The following MMP7 variants were observed in gnomAD, a reference collection of about 807,000 sequenced individuals.
The protein encoded by MMP7 is matrilysin.
A neutral mutation model predicts 31.5 loss-of-function variants in MMP7; 26 were observed. The observed-to-expected ratio is 0.83, with a 90% CI of 0.61 to 1.15. The LOEUF is 1.15. MMP7 is among the 50% of genes most tolerant of loss of function. The probability of loss-of-function intolerance (pLI) is 0.00; values close to 1 mark genes in which losing one functional copy is unlikely to be tolerated. For missense variants in MMP7, 367 were observed against 326.5 expected, an observed-to-expected ratio of 1.12 and a Z score of -0.96; for synonymous variants, 142 against 124.2, an observed-to-expected ratio of 1.14 and a Z score of -0.95.
intron 5 of MMP7, among the ~76,000 whole-genome samples, chr11:102,522,789 C>T (rs927986124): frequency 4.6e-5 from 7 of 152,104 alleles, no homozygotes; most frequent in African/African-American, 7.2e-5. Context: ...AGTTTCTGTC[C>T]GTGGTTAACC....
At chr11:102,521,371 T>A (rs1858611352) in intron 5 of MMP7, among the ~76,000 whole-genome samples, 1 of 152,164 alleles carries the variant, frequency 6.6e-6, no homozygotes, top group South Asian at 2.1e-4. Context: ...CTAATTTTTG[T>A]ATTTTTAGTA....
intron 1 of MMP7, among the ~76,000 whole-genome samples, chr11:102,529,040 C>T (rs1858703735): frequency 6.6e-6 from 1 of 152,164 alleles, no homozygotes; most frequent in Non-Finnish European, 1.5e-5. Flanking sequence ...AGTGTTCTGA[C>T]TTCTATACAT....
In MMP7 at chr11:102,524,098, T is replaced by G. The variant is rs1858642916; in HGVS notation, c.614-697A>C. On this transcript the variant is annotated intron_variant, in intron 4 of 5. Coordinates refer to ENST00000260227, the MANE Select transcript of MMP7 (RefSeq NM_002423.5). ...GTTTGAGGAGTGGCCTGAGCTCTGG[T>G]GGCGTTGCATTGAATTGAAGGAAGC... Among the ~76,000 whole-genome samples the G allele has an allele frequency of 2.0e-5, 3 of 152,302 alleles. No homozygotes were observed. In the South Asian group the frequency reaches 6.2e-4, roughly 32 times the overall value.
chr11:102,524,252 G>T (rs559389519), intron 4 of MMP7: 2 of 152,156 alleles, frequency 1.3e-5, no homozygotes, highest in Admixed American at 6.5e-5. Flanking sequence ...AATTCCTTTT[G>T]CCAAACACAA....
At chr11:102,523,920 C>T (rs1442099787) in intron 4 of MMP7, among the ~76,000 whole-genome samples, 1 of 152,168 alleles carries the variant, frequency 6.6e-6, no homozygotes, top group Non-Finnish European at 1.5e-5. Context: ...AGAATGGTGG[C>T]TTTGAGAAAG....
intron 3 of MMP7, among the ~76,000 whole-genome samples, chr11:102,525,875 A>G (rs1167955036): frequency 1.3e-5 from 2 of 151,514 alleles, no homozygotes; most frequent in Non-Finnish European, 2.9e-5. Flanking sequence ...TAGTCCTTTA[A>G]TGTGTGATGC....
rs534129650 is a variant in MMP7, at chr11:102,522,446, G to A, written c.775+794C>T. On this transcript the variant is annotated intron_variant, in intron 5 of 5. Coordinates refer to ENST00000260227, the MANE Select transcript of MMP7 (RefSeq NM_002423.5). ...TCTTTTATTCTTACTAGGATAAAAA[G>A]CTTACTGGGTAGTGATAGGCAGGAA... Among the ~76,000 whole-genome samples the A allele has an allele frequency of 1.9e-4, 29 of 152,308 alleles. No individual in the cohort carries two copies. The East Asian group carries it at 5.2e-3, about 27-fold the overall frequency.
At chr11:102,528,098 A>C in intron 1 of MMP7, 115 bp from the exon 2 acceptor site, 1 of 756,024 alleles carries the variant, frequency 1.3e-6, no homozygotes, top group South Asian at 1.9e-5. Flanking sequence ...ATTTGAAGAC[A>C]GAATAATTAC....
chr11:102,525,398 C>T (rs779204229), intron 3 of MMP7, among the ~76,000 whole-genome samples: 2 of 151,436 alleles, frequency 1.3e-5, no homozygotes, highest in South Asian at 2.1e-4. Flanking sequence ...GCTGAGATCG[C>T]GCCACTGCAC....
intron 3 of MMP7, among the ~76,000 whole-genome samples, chr11:102,525,599 A>G (rs114912866): frequency 2.3e-4 from 35 of 152,186 alleles, no homozygotes; most frequent in African/African-American, 8.2e-4. Context: ...ATCACCATAT[A>G]TTGAAAGCTT....
chr11:102,520,824 G>T lies in MMP7; in HGVS notation c.776-20C>A. Reference sequence around the variant, plus strand: ...TCTTTCCTATTGAGAGAAAAAAAAAGAACATTCTGATATGTAGAAAATGCA... The same window carrying T: ...TCTTTCCTATTGAGAGAAAAAAAAATAACATTCTGATATGTAGAAAATGCA... On this transcript the variant is annotated intron_variant, in intron 5 of 5. Coordinates refer to ENST00000260227, the MANE Select transcript of MMP7 (RefSeq NM_002423.5). 6.7e-7 allele frequency: 1 copy of T among 1,494,694 alleles called. No individual in the cohort carries two copies. 92.6% of individuals were successfully genotyped at this position (1,494,694 alleles called of 1,614,324 possible). A position where few individuals can be genotyped will look rare whatever the true frequency, so the allele number is the denominator to read the frequency against.
At position 102,530,652 on chromosome 11, in the gene MMP7, C is replaced by G; in HGVS notation, c.49G>C (p.Ala17Pro). 6.2e-7 allele frequency: 1 copy of G among 1,613,888 alleles called. No homozygotes were observed. The highest frequency in any genetic ancestry group is 8.5e-7 in the Non-Finnish European group (1 of 1,179,946). Residue 17 changes from alanine (A) to proline (P), a missense_variant, in exon 1 of 6, where the codon GCC becomes CCC. By Grantham distance (27) the Ala-to-Pro change is conservative (BLOSUM62 -1). Transcript: ENST00000260227. ...CCCGCCTCCTGAGGCAGCGGCAGGGCCAGGCTGCCAGGCAGCAGGCACACA... is the reference window on the plus strand; with the variant it reads ...CCCGCCTCCTGAGGCAGCGGCAGGGGCAGGCTGCCAGGCAGCAGGCACACA... ...CAVCLLPGSL[A>P]LPLPQEAGGM... is the part of the protein sequence containing the mutation.
rs927953666 is a variant in MMP7 at position 102,523,127 on chromosome 11, A to G, written c.775+113T>C. ...ATTCCTCCCCTCAATAGGCTTTTTG[A>G]TATGAGTTCCAGTGTGGTTTTCCAG... On this transcript the variant is annotated intron_variant, in intron 5 of 5. Coordinates refer to ENST00000260227, the MANE Select transcript of MMP7 (RefSeq NM_002423.5). 5.5e-6 allele frequency: 4 copies of G among 729,232 alleles called. No homozygotes were observed. The Admixed American group carries it at 1.1e-4, about 21-fold the overall frequency. 45.2% of individuals were successfully genotyped at this position (729,232 alleles called of 1,614,324 possible).
At position 102,525,110 on chromosome 11, in the gene MMP7, T is replaced by G. The variant is rs188650993; in HGVS notation, c.485-46A>C. 6 of 1,566,826 alleles carry G rather than the reference T, an allele frequency of 3.8e-6. No homozygotes were observed. The African/African-American group carries it at 8.3e-5, about 22-fold the overall frequency. On this transcript the variant is annotated intron_variant, in intron 3 of 5. Transcript: ENST00000260227. Reference sequence around the variant, plus strand: ...TGTTCTTAGTGACTGATTTTTTTTTTCTCCAGTCATTTTATTTTTCAGTTT... The same window carrying G: ...TGTTCTTAGTGACTGATTTTTTTTTGCTCCAGTCATTTTATTTTTCAGTTT...
At position 102,525,012 on chromosome 11, in the gene MMP7, G is replaced by GGCAT. The variant is rs761809927; in HGVS notation, c.533_536dup (p.Phe180CysfsTer16). 2 of 1,614,012 alleles carry GGCAT rather than the reference G, an allele frequency of 1.2e-6. No homozygotes were observed. The highest frequency in any genetic ancestry group is 2.2e-5 in the South Asian group (2 of 91,070). On this transcript the variant is annotated frameshift_variant, in exon 4 of 6. Transcript: ENST00000260227. LOFTEE classifies it high-confidence loss of function. ...CTCCGAGACCTGTCCCAGGCGCAAA[G>GGCAT]GCATGAGCCAGCGTGTTTCCTGGCC...
chr11:102,527,567 A>G lies in MMP7; in HGVS notation c.441T>C (p.Val147=). 6.2e-7 allele frequency: 1 copy of G among 1,614,134 alleles called. No homozygotes were observed. Among genetic ancestry groups the G allele is most frequent in the Non-Finnish European group, 8.5e-7 (1 of 1,180,012 alleles). The change falls in exon 3 of 6, where the codon GTT becomes GTC. Residue 147 remains valine, a synonymous_variant. Coordinates refer to ENST00000260227, the MANE Select transcript of MMP7 (RefSeq NM_002423.5). ...TCATGATGTCAGCAGTTCCCCATACAACTTTCCTGAAATGCAGGGGGATCT... is the reference window on the plus strand; with the variant it reads ...TCATGATGTCAGCAGTTCCCCATACGACTTTCCTGAAATGCAGGGGGATCT... The part of the protein sequence containing the change: ...GKEIPLHFRK[V]VWGTADIMIG...
chr11:102,524,902 G>A (rs766040492), intron 4 of MMP7, 34 bp downstream of exon 4: 44 of 1,584,370 alleles, frequency 2.8e-5, no homozygotes, highest in Admixed American at 1.5e-4. Flanking sequence ...ATTTTAAAAC[G>A]GATGTGGAGT....
At chr11:102,528,293 A>C (rs2135906003) in intron 1 of MMP7, among the ~76,000 whole-genome samples, 1 of 152,350 alleles carries the variant, frequency 6.6e-6, no homozygotes, top group South Asian at 2.1e-4. Context: ...AAGAGCAATC[A>C]GGAAGCATGT....
chr11:102,525,141 A>G, intron 3 of MMP7, 77 bp from the exon 4 acceptor site: 2 of 1,517,844 alleles, frequency 1.3e-6, no homozygotes, highest in Non-Finnish European at 1.8e-6. Context: ...AGTTTATACG[A>G]TTATTGAGGC....
Sources: allele counts gnomAD v4.1 joint callset (sites outside exome capture counted in the v4.1 genomes callset), GRCh38; gene constraint gnomAD v4.1.1; transcripts MANE v1.5; gene names NCBI Gene and HGNC (gene_info 2026-07-23, HGNC 2026-07-21).